STXBP4: variants seen among roughly 807,000 people sequenced by gnomAD.
STXBP4 encodes syntaxin binding protein 4.
In STXBP4, 55 loss-of-function variants were observed where a neutral mutation model predicts 76.1. That is an observed-to-expected ratio of 0.72 (90% CI 0.58 to 0.91). The LOEUF (loss-of-function observed/expected upper bound fraction) is 0.91. STXBP4 is among the 40% of genes least tolerant of loss of function. The pLI, the probability that STXBP4 is intolerant of heterozygous loss-of-function variation, is 0.00. For synonymous variants in STXBP4, 201 were observed against 220.2 expected (o/e 0.91, Z 0.77); for missense variants, 618 against 636.9 (o/e 0.97, Z 0.32).
chr17:55,023,889 A>T (rs2078361273), intron 8 of STXBP4, among the ~76,000 whole-genome samples: 1 of 137,538 alleles, frequency 7.3e-6, no homozygotes, highest in Non-Finnish European at 1.5e-5. Context: ...GAAACACAAG[A>T]TTCTGCAAGG....
intron 12 of STXBP4, among the ~76,000 whole-genome samples, chr17:55,067,651 T>TGGTA (rs2079070417): frequency 6.6e-6 from 1 of 152,180 alleles, no homozygotes; most frequent in Non-Finnish European, 1.5e-5. Context: ...TTACCTAAGG[T>TGGTA]GGTACTTCAT....
chr17:55,005,411 A>G (rs2077989125), intron 7 of STXBP4, among the ~76,000 whole-genome samples: 1 of 152,176 alleles, frequency 6.6e-6, no homozygotes, highest in Non-Finnish European at 1.5e-5. Flanking sequence ...AATAACACCT[A>G]TGGTCACTGT....
At chr17:55,212,811 C>G in the STXBP4 span, among the ~76,000 whole-genome samples, 1 of 150,130 alleles carries the variant, frequency 6.7e-6, no homozygotes, top group East Asian at 1.9e-4. Flanking sequence ...GAGCATCTAT[C>G]AGGATTAAAA....
intron 8 of STXBP4, among the ~76,000 whole-genome samples, chr17:55,015,434 C>T (rs2078189363): frequency 1.3e-5 from 2 of 152,182 alleles, no homozygotes. Flanking sequence ...GCAGTTATGG[C>T]AGCACTTCTC....
the STXBP4 span, among the ~76,000 whole-genome samples, chr17:55,197,125 C>T: frequency 3.9e-5 from 6 of 152,150 alleles, no homozygotes; most frequent in South Asian, 2.1e-4. Context: ...GGCACCTCAA[C>T]GCTAAACAAT....
chr17:55,000,877 AAT>A lies in STXBP4; in HGVS notation c.570_571del (p.Thr191ArgfsTer8), dbSNP rs1395367482. ...TSENSTVGLS[N>X]TDVASAWTEN... ...AGAAAACAGTACTGTGGGTTTGTCT[AAT>A]ACAGGTAAATACACATTTAATTTCT... On this transcript the variant is annotated frameshift_variant, in exon 7 of 18. Transcript: ENST00000376352. LOFTEE classifies it high-confidence loss of function. 2 of 1,563,308 alleles carry A rather than the reference AAT, an allele frequency of 1.3e-6. No homozygotes were observed. The highest frequency in any genetic ancestry group is 2.3e-5 in the South Asian group (2 of 88,790).
intron 1 of STXBP4, among the ~76,000 whole-genome samples, chr17:54,984,587 C>A (rs1011301894): frequency 2.6e-5 from 4 of 151,948 alleles, no homozygotes; most frequent in Admixed American, 2.0e-4. Flanking sequence ...TCGTGATCCA[C>A]CCGCCTCGGC....
At chr17:55,157,662 A>T (rs2080295197) in intron 17 of STXBP4, among the ~76,000 whole-genome samples, 1 of 152,206 alleles carries the variant, frequency 6.6e-6, no homozygotes, top group African/African-American at 2.4e-5. Context: ...AACCGCTAGT[A>T]ATCTTCTTCC....
At chr17:55,152,141 G>C (rs1442817554) in intron 17 of STXBP4, among the ~76,000 whole-genome samples, 1 of 152,102 alleles carries the variant, frequency 6.6e-6, no homozygotes. Context: ...TACCACTTTT[G>C]AGTATTTTTA....
chr17:55,010,516 A>G (rs914702316), intron 8 of STXBP4, among the ~76,000 whole-genome samples: 5 of 152,114 alleles, frequency 3.3e-5, no homozygotes, highest in African/African-American at 1.2e-4. Flanking sequence ...CAAAGTATGA[A>G]TAGTATATGT....
chr17:54,984,343 T>C lies in STXBP4; in HGVS notation c.-156-1271T>C, dbSNP rs570778055. Among the ~76,000 whole-genome samples the C allele has an allele frequency of 3.3e-3, 416 of 127,218 alleles. 1 individual carries two copies. Among genetic ancestry groups the C allele is most frequent in the Middle Eastern group, 0.011 (3 of 272 alleles). The allele number at this position is 127,218 out of a possible 152,430, so 83.5% of individuals were successfully genotyped here. On this transcript the variant is annotated intron_variant, in intron 1 of 17. Transcript: ENST00000376352. ...GGGACTCTCTTTTTCTTTTTTCTTT[T>C]TTTTTTTTTTTTTTTTTGAGACGGA...
intron 16 of STXBP4, among the ~76,000 whole-genome samples, chr17:55,112,807 C>T (rs549348291): frequency 6.6e-6 from 1 of 151,790 alleles, no homozygotes; most frequent in Admixed American, 6.6e-5. Flanking sequence ...GGAAGAGGGG[C>T]CAGATGAGGA....
chr17:55,173,371 C>G lies in STXBP4; in HGVS notation c.*13460C>G, dbSNP rs1286972777. The G allele has an allele frequency of 6.6e-6, 1 of 152,182 alleles. No individual in the cohort carries two copies. Among genetic ancestry groups the G allele is most frequent in the Non-Finnish European group, 1.5e-5 (1 of 68,036 alleles). 9.4% of individuals were successfully genotyped at this position (152,182 alleles called of 1,614,324 possible). A position where few individuals can be genotyped will look rare whatever the true frequency, so the allele number is the denominator to read the frequency against. On this transcript the variant is annotated 3_prime_UTR_variant, in exon 18 of 18. Coordinates refer to ENST00000376352, the MANE Select transcript of STXBP4 (RefSeq NM_178509.6). ...CTCCTGGCAATTACTGCTCTATTCT[C>G]CGTAACTGTAGTTTTGCCTTTTCGA...
Position 55,022,575 on chromosome 17 carries a change from A to G in STXBP4, c.667-8593A>G, listed in dbSNP as rs77214060. The stretch of plus-strand genomic sequence containing the variant: ...GTGGGGGAAGTAGAAAATTCAAAAA[A>G]CAAGTGAATAACAAGAGTACATGTC... On this transcript the variant is annotated intron_variant, in intron 8 of 17. Transcript: ENST00000376352. 3.4e-3 allele frequency among the ~76,000 whole-genome samples: 525 copies of G among 152,300 alleles called. 13 individuals are homozygous for G. The highest frequency in any genetic ancestry group is 0.027 in the Middle Eastern group (8 of 294).
rs1207929201 is a variant in STXBP4 at position 55,011,770 on chromosome 17, T to G, written c.666+4173T>G. Among the ~76,000 whole-genome samples the G allele has an allele frequency of 2.6e-5, 4 of 152,118 alleles. No homozygotes were observed. In the East Asian group the frequency reaches 7.7e-4, roughly 29 times the overall value. Reference sequence around the variant, plus strand: ...TGCAAGCCCTGTGTTTAAAAGTGAATGTGGTCAGCTTCCCAGCTAGGCTTA... The same window carrying G: ...TGCAAGCCCTGTGTTTAAAAGTGAAGGTGGTCAGCTTCCCAGCTAGGCTTA... On this transcript the variant is annotated intron_variant, in intron 8 of 17. Coordinates refer to ENST00000376352, the MANE Select transcript of STXBP4 (RefSeq NM_178509.6).
chr17:54,990,328 T>C (rs1450308666), intron 3 of STXBP4, among the ~76,000 whole-genome samples: 1 of 152,158 alleles, frequency 6.6e-6, no homozygotes, highest in Admixed American at 6.5e-5. Flanking sequence ...AAGTAAGCAT[T>C]ACTGCCTGAG....
At chr17:55,020,536 G>A (rs916845522) in intron 8 of STXBP4, among the ~76,000 whole-genome samples, 58 of 151,824 alleles carry the variant, frequency 3.8e-4, no homozygotes, top group African/African-American at 1.3e-3. Flanking sequence ...TTATACTTTC[G>A]GCCGGGCGTG....
At chr17:54,973,557 G>A (rs190897800) in intron 1 of STXBP4, among the ~76,000 whole-genome samples, 105 of 152,310 alleles carry the variant, frequency 6.9e-4, no homozygotes, top group African/African-American at 2.4e-3. Flanking sequence ...CTGTCAATAT[G>A]CATAGATACA....
the STXBP4 span, among the ~76,000 whole-genome samples, chr17:55,185,251 C>CTTCTTCTTCTTCTTCTCCTT: frequency 7.2e-3 from 357 of 49,370 alleles, 18 homozygotes; most frequent in African/African-American, 0.026. Context: ...TTCTTCTTCT[C>CTTCTTCTTCTTCTTCTCCTT]CTTCTCCTTC....
Sources: allele counts gnomAD v4.1 joint callset (sites outside exome capture counted in the v4.1 genomes callset), GRCh38; gene constraint gnomAD v4.1.1; transcripts MANE v1.5; gene names NCBI Gene and HGNC (gene_info 2026-07-23, HGNC 2026-07-21).